The following ARHGEF12 variants were observed in gnomAD, a reference collection of about 807,000 sequenced individuals.
ARHGEF12 encodes the protein Rho guanine nucleotide exchange factor 12.
A neutral mutation model predicts 211.2 loss-of-function variants in ARHGEF12; 66 were observed. The observed-to-expected ratio is 0.31, with a 90% CI of 0.26 to 0.38. The LOEUF is 0.38. Among genes scored for constraint, ARHGEF12 ranks in the 10% least tolerant of loss-of-function variants. The pLI is 1.00. For missense variants in ARHGEF12, 1,429 were observed against 1,869.5 expected (o/e 0.76, Z 4.34); for synonymous variants, 592 against 638.4 (o/e 0.93, Z 1.09).
Position 120,440,110 on chromosome 11 carries a change from T to A in ARHGEF12, c.1000-19T>A, listed in dbSNP as rs772489148. On this transcript the variant is annotated intron_variant, in intron 12 of 40. Coordinates refer to ENST00000397843, the MANE Select transcript of ARHGEF12 (RefSeq NM_015313.3). ...ACCACCAGGTAATTTTTCTGTTTCTTTTCCCTGAATGTTGCCAGGACACTC... is the reference window on the plus strand; with the variant it reads ...ACCACCAGGTAATTTTTCTGTTTCTATTCCCTGAATGTTGCCAGGACACTC... 3.2e-6 allele frequency: 5 copies of A among 1,582,976 alleles called. No homozygotes were observed. The highest frequency in any genetic ancestry group is 3.4e-6 in the Non-Finnish European group (4 of 1,160,188).
rs754305212 is a variant in ARHGEF12 at position 120,429,731 on chromosome 11, A to G, written c.683A>G (p.Asn228Ser). Residue 228 changes from asparagine to serine, a missense_variant, in exon 10 of 41, where the codon AAC (asparagine) becomes AGC (serine). This residue lies in a region of ARHGEF12 where 254 missense variants were observed against 286.4 expected (regional missense o/e 0.89). Coordinates refer to ENST00000397843, the MANE Select transcript of ARHGEF12 (RefSeq NM_015313.3). ...TTTCAGTTATTGCAGGAAGATTACAACCGAACACCTGCCCAAAGATTGCTA... is the reference window on the plus strand; with the variant it reads ...TTTCAGTTATTGCAGGAAGATTACAGCCGAACACCTGCCCAAAGATTGCTA... Reference protein sequence around the residue: ...ERLQLLQEDYNRTPAQRLLKE... With the variant: ...ERLQLLQEDYSRTPAQRLLKE... The G allele has an allele frequency of 6.2e-7, 1 of 1,613,564 alleles. No homozygotes were observed. Among genetic ancestry groups the G allele is most frequent in the Non-Finnish European group, 8.5e-7 (1 of 1,179,786 alleles).
chr11:120,421,985 C>T, intron 6 of ARHGEF12, 133 bp downstream of exon 6: 1 of 627,162 alleles, frequency 1.6e-6, no homozygotes, highest in Non-Finnish European at 2.7e-6. Flanking sequence ...GTTGACTATA[C>T]AAACTTATTT....
rs1947419773 is a variant in ARHGEF12 at position 120,487,218 on chromosome 11, G to T, written c.*2141G>T. 4.6e-6 allele frequency: 1 copy of T among 217,894 alleles called. No individual in the cohort carries two copies. The highest frequency in any genetic ancestry group is 2.2e-5 in the African/African-American group (1 of 44,458). 13.5% of individuals were successfully genotyped at this position (217,894 alleles called of 1,614,324 possible). On this transcript the variant is annotated 3_prime_UTR_variant, in exon 41 of 41. Transcript: ENST00000397843. ...AAGCTTGTAGGTTAGCAAAATTTCA[G>T]TTTCTCTAGTTCAGCCAGTGTCTTG...
intron 1 of ARHGEF12, among the ~76,000 whole-genome samples, chr11:120,404,692 A>G (rs1336868751): frequency 6.6e-6 from 1 of 152,190 alleles, no homozygotes; most frequent in Non-Finnish European, 1.5e-5. Flanking sequence ...TGACGCAAGC[A>G]GCATTGTTTT....
chr11:120,393,222 G>A (rs1944275959), intron 1 of ARHGEF12, among the ~76,000 whole-genome samples: 1 of 151,616 alleles, frequency 6.6e-6, no homozygotes, highest in African/African-American at 2.4e-5. Context: ...CAAATTAACG[G>A]AATATTAAAA....
intron 1 of ARHGEF12, among the ~76,000 whole-genome samples, chr11:120,356,591 C>T (rs1447815951): frequency 6.6e-6 from 1 of 152,080 alleles, no homozygotes; most frequent in Non-Finnish European, 1.5e-5. Flanking sequence ...CTTTGTTACC[C>T]CATCTAGGTC....
chr11:120,427,995 G>A, intron 7 of ARHGEF12, 74 bp from the exon 8 acceptor site: 2 of 1,309,196 alleles, frequency 1.5e-6, no homozygotes, highest in Non-Finnish European at 2.1e-6. Flanking sequence ...AGATTAAGTA[G>A]TAAAATGGTA....
intron 4 of ARHGEF12, among the ~76,000 whole-genome samples, chr11:120,417,094 A>C (rs10892573): frequency 1.3e-5 from 2 of 152,084 alleles, no homozygotes; most frequent in African/African-American, 4.8e-5. Context: ...TTTGTTAGAC[A>C]TTAAGCTAAC....
intron 1 of ARHGEF12, among the ~76,000 whole-genome samples, chr11:120,343,636 A>T (rs577237712): frequency 4.6e-5 from 7 of 152,332 alleles, no homozygotes; most frequent in African/African-American, 1.7e-4. Context: ...CAGTCACATG[A>T]CAGGCCTGGG....
chr11:120,471,144 C>CTT, intron 30 of ARHGEF12, among the ~76,000 whole-genome samples: 1 of 152,144 alleles, frequency 6.6e-6, no homozygotes, highest in Non-Finnish European at 1.5e-5. Flanking sequence ...GATATACCCA[C>CTT]AAACAGACTT....
chr11:120,447,496 G>A (rs1404211945), intron 18 of ARHGEF12, among the ~76,000 whole-genome samples: 3 of 152,084 alleles, frequency 2.0e-5, no homozygotes, highest in African/African-American at 7.2e-5. Flanking sequence ...ATTTGGCTCT[G>A]TTCTGTTATT....
intron 15 of ARHGEF12, 99 bp downstream of exon 15, chr11:120,442,301 G>T: frequency 7.8e-6 from 6 of 765,644 alleles, no homozygotes; most frequent in East Asian, 3.0e-5. Context: ...ATTTTACTGT[G>T]CTTTCTCACA....
At chr11:120,432,620 A>G (rs1453489341) in intron 11 of ARHGEF12, among the ~76,000 whole-genome samples, 1 of 152,246 alleles carries the variant, frequency 6.6e-6, no homozygotes, top group Non-Finnish European at 1.5e-5. Context: ...ATTGTGGGTC[A>G]TGAAATCAAT....
chr11:120,346,132 G>GAAACATTTA (rs975948063), intron 1 of ARHGEF12, among the ~76,000 whole-genome samples: 3 of 152,094 alleles, frequency 2.0e-5, no homozygotes, highest in Non-Finnish European at 4.4e-5. Flanking sequence ...TTTATCTTCT[G>GAAACATTTA]AAACATTTAA....
At chr11:120,388,935 T>A (rs1944124956) in intron 1 of ARHGEF12, among the ~76,000 whole-genome samples, 1 of 152,168 alleles carries the variant, frequency 6.6e-6, no homozygotes, top group Non-Finnish European at 1.5e-5. Flanking sequence ...CAATCTTGGC[T>A]CACTACAGCC....
chr11:120,347,172 C>CT lies in ARHGEF12; in HGVS notation c.32+9899dup, dbSNP rs1422718112. Among the ~76,000 whole-genome samples, 686 of 80,582 alleles carry CT rather than the reference C, an allele frequency of 8.5e-3. 10 individuals are homozygous for CT. The highest frequency in any genetic ancestry group is 0.012 in the South Asian group (28 of 2,254). The allele number at this position is 80,582 out of a possible 152,430, so 52.9% of individuals were successfully genotyped here. ...CCTTCCTTCCTTCCTTCCTTCCTTC[C>CT]TTCCTTCCTTCCTTTCTTTCTTTCT... On this transcript the variant is annotated intron_variant, in intron 1 of 40. Transcript: ENST00000397843.
In ARHGEF12 at chr11:120,341,375, TG is replaced by T. The variant is rs2135234787; in HGVS notation, c.32+4101del. On this transcript the variant is annotated intron_variant, in intron 1 of 40. Transcript: ENST00000397843. The stretch of plus-strand genomic sequence containing the variant: ...GCCCAGTGGTTTTTTTTGTTGTTGC[TG>T]TTGTTGTTTTTTAACTAAGTTTGAG... Among the ~76,000 whole-genome samples the T allele has an allele frequency of 2.6e-5, 2 of 76,002 alleles. 1 individual carries two copies. Among genetic ancestry groups the T allele is most frequent in the South Asian group, 8.9e-4 (2 of 2,246 alleles). 49.9% of individuals were successfully genotyped at this position (76,002 alleles called of 152,430 possible).
chr11:120,466,074 T>C (rs1946699010), intron 28 of ARHGEF12, among the ~76,000 whole-genome samples: 1 of 152,188 alleles, frequency 6.6e-6, no homozygotes, highest in African/African-American at 2.4e-5. Context: ...TTTTATAAAG[T>C]TTTATGTAAA....
At chr11:120,460,856 T>A (rs865989745) in intron 27 of ARHGEF12, 99 bp downstream of exon 27, 1 of 1,031,218 alleles carries the variant, frequency 9.7e-7, no homozygotes. Flanking sequence ...AACTCATCCA[T>A]GTTGCAAAGT....
Sources: allele counts gnomAD v4.1 joint callset (sites outside exome capture counted in the v4.1 genomes callset), GRCh38; gene constraint gnomAD v4.1.1; regional missense constraint gnomAD v4.1.1; transcripts MANE v1.5; gene names NCBI Gene and HGNC (gene_info 2026-07-23, HGNC 2026-07-21).